C4orf17: variants seen among roughly 807,000 people sequenced by gnomAD.
The protein encoded by C4orf17 is chromosome 4 open reading frame 17, also known as uncharacterized protein C4orf17.
In C4orf17, 25 loss-of-function variants were observed where a neutral mutation model predicts 32.0. The observed-to-expected ratio is 0.78, with a 90% CI of 0.57 to 1.09. C4orf17 has a LOEUF of 1.09. Ranked by LOEUF, C4orf17 falls within the 50% of genes least tolerant of loss-of-function variation. The pLI is 0.00. For missense variants in C4orf17, 420 were observed against 420.0 expected (o/e 1.00, Z 0.00); for synonymous variants, 149 against 145.8 (o/e 1.02, Z -0.16).
chr4:99,522,455 T>C (rs1051531649), intron 2 of C4orf17, 45 bp from the exon 3 acceptor site: 2 of 1,438,332 alleles, frequency 1.4e-6, no homozygotes, highest in Non-Finnish European at 1.9e-6. Flanking sequence ...AAACATCTAA[T>C]CTGGTTGCTT....
chr4:99,512,837 G>A (rs1347726012), intron 1 of C4orf17, among the ~76,000 whole-genome samples, 152 bp from the exon 2 acceptor site: 1 of 152,004 alleles, frequency 6.6e-6, no homozygotes, highest in East Asian at 1.9e-4. Context: ...ACTTTTCAAC[G>A]TTTACAAAAA....
intron 8 of C4orf17, 91 bp from the exon 9 acceptor site, chr4:99,541,819 G>A: frequency 1.1e-6 from 1 of 936,814 alleles, no homozygotes; most frequent in South Asian, 1.6e-5. Flanking sequence ...ACTTCATATA[G>A]TTTTTTATAG....
intron 4 of C4orf17, among the ~76,000 whole-genome samples, chr4:99,524,830 T>G (rs1239555688): frequency 2.0e-5 from 3 of 152,134 alleles, no homozygotes; most frequent in Non-Finnish European, 4.4e-5. Flanking sequence ...CTCCCAAAAG[T>G]TTTCTCACGA....
chr4:99,526,118 A>G (rs1259335045), intron 4 of C4orf17, among the ~76,000 whole-genome samples: 1 of 152,204 alleles, frequency 6.6e-6, no homozygotes, highest in Admixed American at 6.5e-5. Context: ...ACCATTAAAT[A>G]TTATGTTCAT....
Sources: allele counts gnomAD v4.1 joint callset (sites outside exome capture counted in the v4.1 genomes callset), GRCh38; gene constraint gnomAD v4.1.1; transcripts MANE v1.5; gene names NCBI Gene and HGNC (gene_info 2026-07-23, HGNC 2026-07-21).